Variants in XIRP2 observed in about 807,000 individuals in gnomAD.
The protein encoded by XIRP2 is xin actin binding repeat containing 2.
In XIRP2, 236 loss-of-function variants were observed where a neutral mutation model predicts 277.0. The observed-to-expected ratio is 0.85, with a 90% confidence interval of 0.77 to 0.95. The LOEUF is 0.95. Among genes scored for constraint, XIRP2 ranks in the 40% least tolerant of loss-of-function variants. XIRP2 has a pLI of 0.00. For missense variants in XIRP2, 4,640 were observed against 4,157.5 expected, an observed-to-expected ratio of 1.12 and a Z score of -3.19; for synonymous variants, 1,490 against 1,416.5, an observed-to-expected ratio of 1.05 and a Z score of -1.17.
chr2:167,037,013 T>G (rs1302603360), intron 2 of XIRP2, among the ~76,000 whole-genome samples: 2 of 152,108 alleles, frequency 1.3e-5, no homozygotes, highest in African/African-American at 4.8e-5. Context: ...GAACAGTAAG[T>G]CCAGTTAAAC....
chr2:167,145,309 T>A (rs1357970454), intron 3 of XIRP2, among the ~76,000 whole-genome samples: 1 of 152,086 alleles, frequency 6.6e-6, no homozygotes, highest in Non-Finnish European at 1.5e-5. Flanking sequence ...GTCCAAAAAT[T>A]TTCCCCACCA....
intron 3 of XIRP2, among the ~76,000 whole-genome samples, chr2:167,204,969 G>A (rs1229059893): frequency 6.6e-6 from 1 of 152,064 alleles, no homozygotes; most frequent in Non-Finnish European, 1.5e-5. Flanking sequence ...ATTTCTTAAT[G>A]TTTTCCTCAA....
chr2:167,014,452 A>G (rs916682937), intron 2 of XIRP2, among the ~76,000 whole-genome samples: 9 of 151,810 alleles, frequency 5.9e-5, no homozygotes, highest in South Asian at 2.1e-4. Context: ...AAAATTATAG[A>G]AAGGGAAAGT....
At chr2:167,016,260 T>C (rs1313591865) in intron 2 of XIRP2, among the ~76,000 whole-genome samples, 1 of 151,912 alleles carries the variant, frequency 6.6e-6, no homozygotes, top group Non-Finnish European at 1.5e-5. Context: ...ATCTCTTAAA[T>C]TATCCATTTC....
chr2:167,010,018 C>A (rs558019697), intron 2 of XIRP2, among the ~76,000 whole-genome samples: 1 of 152,118 alleles, frequency 6.6e-6, no homozygotes, highest in Admixed American at 6.5e-5. Flanking sequence ...TGTAGGTTGC[C>A]TGTTCACGCT....
At chr2:166,974,327 A>G (rs1686656316) in intron 2 of XIRP2, among the ~76,000 whole-genome samples, 1 of 152,190 alleles carries the variant, frequency 6.6e-6, no homozygotes, top group Non-Finnish European at 1.5e-5. Context: ...ACAATGCTCT[A>G]GAAAAAGGAA....
chr2:167,150,758 A>G (rs569648322), intron 3 of XIRP2, among the ~76,000 whole-genome samples: 93 of 152,180 alleles, frequency 6.1e-4, no homozygotes, highest in African/African-American at 2.2e-3. Flanking sequence ...TAAATTATTT[A>G]TAGTACTATG....
At chr2:167,027,566 G>A (rs1050441726) in intron 2 of XIRP2, among the ~76,000 whole-genome samples, 3 of 152,082 alleles carry the variant, frequency 2.0e-5, no homozygotes, top group Admixed American at 1.3e-4. Flanking sequence ...CATTCCTTTG[G>A]AGGAGGAGAG....
At chr2:167,041,653 C>A (rs865953927) in intron 2 of XIRP2, among the ~76,000 whole-genome samples, 12 of 152,018 alleles carry the variant, frequency 7.9e-5, no homozygotes, top group African/African-American at 2.9e-4. Context: ...AAAATGAACA[C>A]AATTTCCAAG....
At chr2:167,061,474 T>C (rs1196363803) in intron 2 of XIRP2, among the ~76,000 whole-genome samples, 1 of 152,102 alleles carries the variant, frequency 6.6e-6, no homozygotes, top group Admixed American at 6.6e-5. Flanking sequence ...TAGTGGTAAG[T>C]TTTTGTAGAT....
chr2:167,133,404 G>A (rs1285751830), intron 2 of XIRP2, among the ~76,000 whole-genome samples: 1 of 152,096 alleles, frequency 6.6e-6, no homozygotes, highest in Non-Finnish European at 1.5e-5. Flanking sequence ...GATGACTAGG[G>A]CTTGAAAATA....
Position 167,063,842 on chromosome 2 carries a change from A to G in XIRP2, c.409-72067A>G, listed in dbSNP as rs902345887. Among the ~76,000 whole-genome samples, 29 of 151,664 alleles carry G rather than the reference A, an allele frequency of 1.9e-4. 1 individual carries two copies. The highest frequency in any genetic ancestry group is 4.1e-4 in the South Asian group (2 of 4,822). On this transcript the variant is annotated intron_variant, in intron 2 of 10. Transcript: ENST00000409195. ...TTTAAGTGGGTTTCTTTTTTAAACA[A>G]TATATAAACAATATATAGTTGGGTT... is the stretch of plus-strand genomic sequence containing the variant.
intron 2 of XIRP2, among the ~76,000 whole-genome samples, chr2:167,099,972 T>C (rs535305946): frequency 6.6e-6 from 1 of 152,126 alleles, no homozygotes; most frequent in Non-Finnish European, 1.5e-5. Flanking sequence ...CCTGGGAGCC[T>C]GTTATTTTTT....
At chr2:166,911,663 T>C (rs1574071879) in intron 2 of XIRP2, among the ~76,000 whole-genome samples, 1 of 152,342 alleles carries the variant, frequency 6.6e-6, no homozygotes, top group African/African-American at 2.4e-5. Flanking sequence ...TGATGTTAGC[T>C]GGTTATTTTG....
At chr2:166,913,959 A>G (rs923092518) in intron 2 of XIRP2, among the ~76,000 whole-genome samples, 3 of 152,234 alleles carry the variant, frequency 2.0e-5, no homozygotes, top group African/African-American at 7.2e-5. Context: ...CAGAATAACA[A>G]AAGTCTCCCA....
At chr2:167,066,206 T>G (rs1271556394) in intron 2 of XIRP2, among the ~76,000 whole-genome samples, 1 of 151,972 alleles carries the variant, frequency 6.6e-6, no homozygotes, top group Admixed American at 6.6e-5. Flanking sequence ...TTCTGAAACC[T>G]TATACACATT....
chr2:167,164,004 T>G (rs2105343159), intron 3 of XIRP2, among the ~76,000 whole-genome samples: 1 of 152,338 alleles, frequency 6.6e-6, no homozygotes, highest in South Asian at 2.1e-4. Flanking sequence ...CTTTCACCAG[T>G]ATCACATTGT....
In XIRP2 at chr2:166,903,818, T is replaced by C. The variant is rs1017175837; in HGVS notation, c.336T>C (p.Ile112=). 2.5e-6 allele frequency: 4 copies of C among 1,613,626 alleles called. No homozygotes were observed. Among genetic ancestry groups the C allele is most frequent in the Non-Finnish European group, 3.4e-6 (4 of 1,179,788 alleles). The stretch of plus-strand genomic sequence containing the variant: ...GGCGCAGGATTGAACGCTTTTCCAT[T>C]GCCCTTGATGAGCTGAGGAGTGTGT... The part of the protein sequence containing the change: ...SSRRRIERFS[I]ALDELRSVFE... The change falls in exon 2 of 11, where the codon ATT becomes ATC. Residue 112 remains isoleucine, a synonymous_variant. Coordinates refer to ENST00000409195, the MANE Select transcript of XIRP2 (RefSeq NM_152381.6).
chr2:167,130,450 T>TC (rs918015271), intron 2 of XIRP2, among the ~76,000 whole-genome samples: 8 of 152,084 alleles, frequency 5.3e-5, no homozygotes, highest in African/African-American at 1.7e-4. Context: ...TTAATAACTT[T>TC]CCCCCTACCC....
Sources: allele counts gnomAD v4.1 joint callset (sites outside exome capture counted in the v4.1 genomes callset), GRCh38; gene constraint gnomAD v4.1.1; transcripts MANE v1.5; gene names NCBI Gene and HGNC (gene_info 2026-07-23, HGNC 2026-07-21).